DOCK3: variants seen among roughly 807,000 people sequenced by gnomAD.
DOCK3 encodes dedicator of cytokinesis 3.
A neutral mutation model predicts 265.6 loss-of-function variants in DOCK3; 60 were observed. The ratio of observed to expected loss-of-function variants is 0.23; its 90% CI spans 0.18 to 0.28. The LOEUF (loss-of-function observed/expected upper bound fraction) is 0.28, where lower values mean the gene tolerates loss of function less well. Among genes scored for constraint, DOCK3 ranks in the 10% least tolerant of loss-of-function variants. The pLI, the probability that DOCK3 is intolerant of heterozygous loss-of-function variation, is 1.00. For synonymous variants in DOCK3, 881 were observed against 938.0 expected (o/e 0.94, Z 1.11); for missense variants, 1,981 against 2,594.3 (o/e 0.76, Z 5.14).
intron 5 of DOCK3, among the ~76,000 whole-genome samples, chr3:50,980,915 T>C (rs143432277): frequency 9.9e-4 from 151 of 152,282 alleles, no homozygotes; most frequent in Admixed American, 2.4e-3. Flanking sequence ...GCTTTTTGTT[T>C]TGTTGATCCT....
chr3:51,140,077 TGTTG>T (rs961679805), intron 9 of DOCK3, among the ~76,000 whole-genome samples: 5 of 152,218 alleles, frequency 3.3e-5, no homozygotes, highest in African/African-American at 9.6e-5. Context: ...GTTTGTTGTT[TGTTG>T]GTTTTCTGTA....
chr3:51,009,209 T>A (rs553480640), intron 5 of DOCK3, among the ~76,000 whole-genome samples: 1 of 152,328 alleles, frequency 6.6e-6, no homozygotes, highest in South Asian at 2.1e-4. Context: ...CTCGTCTTTG[T>A]ACCTCTCATA....
chr3:51,272,280 CTT>C (rs11371307), intron 24 of DOCK3, among the ~76,000 whole-genome samples: 2 of 144,070 alleles, frequency 1.4e-5, no homozygotes, highest in Non-Finnish European at 1.5e-5. Flanking sequence ...TTAGGTTTGA[CTT>C]TTTTTTTTTT....
intron 27 of DOCK3, among the ~76,000 whole-genome samples, chr3:51,296,433 G>A (rs1018155583): frequency 1.3e-5 from 2 of 149,746 alleles, no homozygotes. Context: ...TAGATACATA[G>A]ATCAACAAAA....
chr3:51,260,391 C>T (rs2079787980), intron 23 of DOCK3, 65 bp downstream of exon 23: 2 of 1,500,260 alleles, frequency 1.3e-6, no homozygotes, highest in Non-Finnish European at 1.8e-6. Context: ...TTTCTTTGTC[C>T]TCTGGTTTTC....
chr3:51,246,834 A>G (rs778956428), intron 22 of DOCK3, 27 bp downstream of exon 22: 23 of 1,602,288 alleles, frequency 1.4e-5, no homozygotes, highest in East Asian at 4.5e-5. Context: ...TCCATACATA[A>G]GAGACCCACT....
At chr3:51,089,842 T>G (rs1192965665) in intron 8 of DOCK3, among the ~76,000 whole-genome samples, 1 of 134,558 alleles carries the variant, frequency 7.4e-6, no homozygotes, top group Non-Finnish European at 1.5e-5. Flanking sequence ...TAGAGTGCAG[T>G]GAGCCGAGAT....
intron 29 of DOCK3, among the ~76,000 whole-genome samples, 159 bp downstream of exon 29, chr3:51,312,238 T>A (rs1406546181): frequency 6.6e-6 from 1 of 152,148 alleles, no homozygotes; most frequent in Non-Finnish European, 1.5e-5. Flanking sequence ...CTGTTGGAAG[T>A]GTTGGTAGCC....
intron 1 of DOCK3, among the ~76,000 whole-genome samples, chr3:50,764,239 A>G (rs1192167220): frequency 2.0e-5 from 3 of 152,188 alleles, no homozygotes; most frequent in African/African-American, 7.2e-5. Flanking sequence ...TGCATAATAA[A>G]CAGAAATAAA....
chr3:50,678,609 G>T (rs2034156255), intron 1 of DOCK3, among the ~76,000 whole-genome samples: 1 of 152,068 alleles, frequency 6.6e-6, no homozygotes, highest in South Asian at 2.1e-4. Context: ...TGCTTCAGAA[G>T]GTCATCTTGT....
At chr3:50,951,806 A>G (rs1364211411) in intron 5 of DOCK3, among the ~76,000 whole-genome samples, 2 of 152,102 alleles carry the variant, frequency 1.3e-5, no homozygotes, top group Non-Finnish European at 2.9e-5. Flanking sequence ...AAAAAATAAT[A>G]CATAAGACCT....
At chr3:51,061,853 G>C (rs981689154) in intron 5 of DOCK3, among the ~76,000 whole-genome samples, 4 of 152,050 alleles carry the variant, frequency 2.6e-5, no homozygotes, top group African/African-American at 9.7e-5. Context: ...ACCTCTGAAT[G>C]TTGGAAATCA....
At chr3:51,329,518 A>G (rs764207182) in intron 32 of DOCK3, among the ~76,000 whole-genome samples, 16 of 152,226 alleles carry the variant, frequency 1.1e-4, no homozygotes, top group Non-Finnish European at 1.8e-4. Context: ...CTTGCTCCTT[A>G]TGATTTAGGT....
intron 4 of DOCK3, among the ~76,000 whole-genome samples, chr3:50,909,641 G>GTTT (rs71633043): frequency 3.0e-5 from 3 of 98,716 alleles, no homozygotes; most frequent in African/African-American, 8.0e-5. Flanking sequence ...TACCCTTAAC[G>GTTT]TTTTTTTTTT....
At chr3:50,805,911 G>T (rs1445423244) in intron 2 of DOCK3, among the ~76,000 whole-genome samples, 1 of 152,130 alleles carries the variant, frequency 6.6e-6, no homozygotes, top group Non-Finnish European at 1.5e-5. Context: ...CTGAGGCCTG[G>T]TATGTGCAAG....
In DOCK3 at chr3:50,878,470, C is replaced by T. The variant is rs890599354; in HGVS notation, c.163-11556C>T. Among the ~76,000 whole-genome samples, 8 of 152,074 alleles carry T rather than the reference C, an allele frequency of 5.3e-5. No individual in the cohort carries two copies. In the South Asian group the frequency reaches 1.2e-3, roughly 24 times the overall value. On this transcript the variant is annotated intron_variant, in intron 3 of 52. Transcript: ENST00000266037. ...GGAGCTGAAAACCATGGCACGAGAA[C>T]GATGTGACGCATGCACAAGCTTCAG... is the stretch of plus-strand genomic sequence containing the variant.
At chr3:51,042,948 C>T (rs139863527) in intron 5 of DOCK3, among the ~76,000 whole-genome samples, 11 of 152,166 alleles carry the variant, frequency 7.2e-5, no homozygotes, top group East Asian at 1.9e-4. Context: ...TCAGAGATGA[C>T]GCAAACAAAT....
intron 27 of DOCK3, among the ~76,000 whole-genome samples, chr3:51,284,697 G>A (rs979592421): frequency 6.6e-6 from 1 of 152,192 alleles, no homozygotes; most frequent in African/African-American, 2.4e-5. Flanking sequence ...TTAGCAGCCT[G>A]AGCCAGAGCT....
At position 50,674,979 on chromosome 3, in the gene DOCK3, G is replaced by T. The variant is rs902746414; in HGVS notation, c.-285G>T. The T allele has an allele frequency of 1.3e-5, 2 of 149,644 alleles. No homozygotes were observed. The highest frequency in any genetic ancestry group is 2.4e-5 in the African/African-American group (1 of 41,050). The allele number at this position is 149,644 out of a possible 1,614,324, so 9.3% of individuals were successfully genotyped here. ...GCGGCGCCGGGAGCCGGGCGGCGGA[G>T]CTGTGAAGAAGCAAGCGGCGGCACG... is the stretch of plus-strand genomic sequence containing the variant. On this transcript the variant is annotated 5_prime_UTR_variant, in exon 1 of 53. Coordinates refer to ENST00000266037, the MANE Select transcript of DOCK3 (RefSeq NM_004947.5). The surrounding 1 kb of genome is among the most constrained non-coding windows in gnomAD (Gnocchi z 4.3).
Sources: gnomAD v4.1 joint callset for allele counts (sites outside exome capture counted in the v4.1 genomes callset) on GRCh38, gnomAD v4.1.1 for gene constraint, Gnocchi (gnomAD v3.1) non-coding constraint, MANE v1.5 for transcripts, NCBI Gene and HGNC (gene_info 2026-07-23, HGNC 2026-07-21) for gene names.